The following TENM4 variants were observed in gnomAD, a reference collection of about 807,000 sequenced individuals.
The protein encoded by TENM4 is teneurin-4.
A neutral mutation model predicts 243.3 loss-of-function variants in TENM4; 82 were observed. That is an observed-to-expected ratio of 0.34 (90% CI 0.28 to 0.40). The LOEUF is 0.40. Among genes scored for constraint, TENM4 ranks in the 10% least tolerant of loss-of-function variants. TENM4 has a pLI of 1.00. For synonymous variants in TENM4, 1,412 were observed against 1,456.3 expected (o/e 0.97, Z 0.69); for missense variants, 3,138 against 3,673.3 (o/e 0.85, Z 3.77).
At chr11:79,373,694 G>A (rs987913065) in intron 1 of TENM4, among the ~76,000 whole-genome samples, 3 of 151,988 alleles carry the variant, frequency 2.0e-5, no homozygotes, top group Non-Finnish European at 4.4e-5. Context: ...AAATGAAAAC[G>A]TTTTTCTTAA....
At chr11:79,018,469 T>TC (rs1209059620) in intron 6 of TENM4, among the ~76,000 whole-genome samples, 1 of 150,974 alleles carries the variant, frequency 6.6e-6, no homozygotes, top group Non-Finnish European at 1.5e-5. Context: ...CACACACACA[T>TC]CCCCCCACAC....
chr11:79,406,955 A>C (rs773712342), intron 1 of TENM4, among the ~76,000 whole-genome samples: 1 of 152,188 alleles, frequency 6.6e-6, no homozygotes, highest in Non-Finnish European at 1.5e-5. Flanking sequence ...ATTATTGACA[A>C]TCTACTTCTG....
At chr11:78,738,066 C>A (rs917305670) in intron 20 of TENM4, among the ~76,000 whole-genome samples, 1 of 152,150 alleles carries the variant, frequency 6.6e-6, no homozygotes, top group Non-Finnish European at 1.5e-5. Context: ...TGTCATCACC[C>A]AAATGGCTTA....
At chr11:78,706,629 A>C (rs1235220688) in intron 27 of TENM4, among the ~76,000 whole-genome samples, 1 of 152,204 alleles carries the variant, frequency 6.6e-6, no homozygotes, top group Non-Finnish European at 1.5e-5. Context: ...TTCTGAATCT[A>C]AGTGTGGGTT....
At chr11:79,180,484 CA>C (rs1230012183) in intron 3 of TENM4, among the ~76,000 whole-genome samples, 1 of 151,728 alleles carries the variant, frequency 6.6e-6, no homozygotes, top group African/African-American at 2.4e-5. Flanking sequence ...TTGCCTTGGT[CA>C]AGTCCTTTAA....
intron 3 of TENM4, among the ~76,000 whole-genome samples, chr11:79,193,695 C>T (rs1010435557): frequency 3.3e-5 from 5 of 152,158 alleles, no homozygotes; most frequent in Admixed American, 2.6e-4. Flanking sequence ...GACACGGTGG[C>T]CTCACTCATT....
At chr11:79,110,143 A>T (rs549697564) in intron 4 of TENM4, among the ~76,000 whole-genome samples, 2 of 152,328 alleles carry the variant, frequency 1.3e-5, no homozygotes, top group South Asian at 4.1e-4. Context: ...GTTGCCAGGA[A>T]ACTTTGTGCA....
At chr11:79,019,502 C>T (rs545777749) in intron 6 of TENM4, among the ~76,000 whole-genome samples, 1 of 152,196 alleles carries the variant, frequency 6.6e-6, no homozygotes, top group African/African-American at 2.4e-5. Flanking sequence ...GAATCATTGT[C>T]CCTATCTTTC....
chr11:78,761,531 G>A (rs1187190921), intron 18 of TENM4, among the ~76,000 whole-genome samples: 2 of 151,940 alleles, frequency 1.3e-5, no homozygotes, highest in African/African-American at 2.4e-5. Flanking sequence ...GAGCCACTGT[G>A]CCTGGCCCAG....
chr11:78,945,529 T>C (rs565799474), intron 6 of TENM4, among the ~76,000 whole-genome samples: 1 of 152,302 alleles, frequency 6.6e-6, no homozygotes, highest in East Asian at 1.9e-4. Context: ...TTAATAACCC[T>C]ACAATGGCCA....
intron 1 of TENM4, among the ~76,000 whole-genome samples, chr11:79,405,058 C>T (rs1023510214): frequency 7.9e-5 from 12 of 152,230 alleles, no homozygotes; most frequent in African/African-American, 2.9e-4. Context: ...ATGCAACAGG[C>T]AGAGGGGAGG....
chr11:79,033,799 T>C (rs1167439660), intron 6 of TENM4, among the ~76,000 whole-genome samples: 1 of 152,264 alleles, frequency 6.6e-6, no homozygotes, highest in Non-Finnish European at 1.5e-5. Context: ...TGATTTGATT[T>C]GTGAACTTAA....
At chr11:78,723,428 CAG>C (rs1855446189) in intron 23 of TENM4, among the ~76,000 whole-genome samples, 1 of 152,238 alleles carries the variant, frequency 6.6e-6, no homozygotes, top group Admixed American at 6.5e-5. Context: ...GAGCTTGACA[CAG>C]AGTAGATACC....
intron 6 of TENM4, among the ~76,000 whole-genome samples, chr11:78,953,379 G>C (rs955430155): frequency 6.6e-6 from 1 of 152,220 alleles, no homozygotes; most frequent in African/African-American, 2.4e-5. Context: ...GGAGGGGTAA[G>C]AGTGTAGGAA....
intron 6 of TENM4, among the ~76,000 whole-genome samples, chr11:79,057,464 C>A (rs1298607824): frequency 6.6e-6 from 1 of 152,184 alleles, no homozygotes; most frequent in African/African-American, 2.4e-5. Context: ...TCAAATGTCA[C>A]CTTCTCTGTG....
At chr11:79,373,428 G>T (rs980453293) in intron 1 of TENM4, among the ~76,000 whole-genome samples, 27 of 152,024 alleles carry the variant, frequency 1.8e-4, no homozygotes, top group Non-Finnish European at 3.2e-4. Context: ...CTGGCTGGCT[G>T]GCTGGATGAA....
intron 7 of TENM4, among the ~76,000 whole-genome samples, chr11:78,897,060 G>A (rs986358080): frequency 6.6e-6 from 1 of 152,136 alleles, no homozygotes; most frequent in African/African-American, 2.4e-5. Flanking sequence ...CAATTATGAT[G>A]AATAACTGCT....
chr11:79,058,692 G>C (rs1317218244), intron 6 of TENM4, among the ~76,000 whole-genome samples: 1 of 152,192 alleles, frequency 6.6e-6, no homozygotes, highest in Non-Finnish European at 1.5e-5. Context: ...AGAAAATGAG[G>C]GAAGGTTAAG....
At chr11:79,094,517 C>T (rs376642977) in intron 4 of TENM4, among the ~76,000 whole-genome samples, 1 of 152,138 alleles carries the variant, frequency 6.6e-6, no homozygotes, top group East Asian at 1.9e-4. Flanking sequence ...GTTTCCTCCC[C>T]TCACTCCCTT....
Sources: gnomAD v4.1 joint callset for allele counts (sites outside exome capture counted in the v4.1 genomes callset) on GRCh38, gnomAD v4.1.1 for gene constraint, MANE v1.5 for transcripts, NCBI Gene and HGNC (gene_info 2026-07-23, HGNC 2026-07-21) for gene names.